The following MCM4 variants were observed in gnomAD, a reference collection of about 807,000 sequenced individuals.
MCM4 encodes DNA replication licensing factor MCM4.
In MCM4, 60 loss-of-function variants were observed where a neutral mutation model predicts 88.7. The ratio of observed to expected loss-of-function variants is 0.68; its 90% CI spans 0.55 to 0.84. MCM4 has a LOEUF of 0.84. Among genes scored for constraint, MCM4 ranks in the 40% least tolerant of loss-of-function variants. MCM4 has a pLI of 0.00. For synonymous variants in MCM4, 465 were observed against 410.5 expected (o/e 1.13, Z -1.61); for missense variants, 1,149 against 1,105.5 (o/e 1.04, Z -0.56).
chr8:47,961,212 C>A lies in MCM4; in HGVS notation c.68C>A (p.Thr23Lys). 6.6e-7 allele frequency: 1 copy of A among 1,513,234 alleles called. No homozygotes were observed. Among genetic ancestry groups the A allele is most frequent in the South Asian group, 1.2e-5 (1 of 82,194 alleles). The allele number at this position is 1,513,234 out of a possible 1,614,324, so 93.7% of individuals were successfully genotyped here. A position where few individuals can be genotyped will look rare whatever the true frequency, so the allele number is the denominator to read the frequency against. Residue 23 changes from threonine to lysine, a missense_variant and splice_region_variant, in exon 2 of 17, where the codon ACG (threonine) becomes AAG (lysine). This residue lies in a region of MCM4 where 906 missense variants were observed against 843.0 expected (regional missense o/e 1.07). Transcript: ENST00000649973. The part of the protein sequence containing the change: ...SRRGRATPAQ[T>K]PRSEDARSSP... ...CGTGGAAGGGCCACCCCCGCCCAGACGCGTGAGTCCCCCGAGCCGGGCCCA... is the reference window on the plus strand; with the variant it reads ...CGTGGAAGGGCCACCCCCGCCCAGAAGCGTGAGTCCCCCGAGCCGGGCCCA...
At chr8:47,968,188 T>C (rs530697778) in intron 10 of MCM4, among the ~76,000 whole-genome samples, 16 of 151,860 alleles carry the variant, frequency 1.1e-4, no homozygotes, top group Admixed American at 3.3e-4. Flanking sequence ...CGGTTCTTCA[T>C]TGATGGGCAA....
At chr8:47,961,471 G>C in intron 2 of MCM4, 45 bp from the exon 3 acceptor site, 1 of 1,612,494 alleles carries the variant, frequency 6.2e-7, no homozygotes, top group Non-Finnish European at 8.5e-7. Context: ...AGGAAGGCCG[G>C]CCCTGAAAGT....
At chr8:47,971,015 G>C in intron 12 of MCM4, 139 bp downstream of exon 12, 1 of 1,077,022 alleles carries the variant, frequency 9.3e-7, no homozygotes, top group African/African-American at 1.6e-5. Context: ...TCATATTTCA[G>C]CTAAATCTCA....
At position 47,977,804 on chromosome 8, in the gene MCM4, A is replaced by AT. The variant is rs1026719855; in HGVS notation, c.*1032dup. On this transcript the variant is annotated 3_prime_UTR_variant, in exon 17 of 17. Transcript: ENST00000649973. ...TTGAGAGGTATGATTCTTTCTAGAGATTTTTTCTCATGGCTACTATTAGAT... is the reference window on the plus strand; with the variant it reads ...TTGAGAGGTATGATTCTTTCTAGAGATTTTTTTCTCATGGCTACTATTAGAT... 6.6e-6 allele frequency: 1 copy of AT among 151,706 alleles called. No individual in the cohort carries two copies. Among genetic ancestry groups the AT allele is most frequent in the Non-Finnish European group, 1.5e-5 (1 of 67,960 alleles). The allele number at this position is 151,706 out of a possible 1,614,324, so 9.4% of individuals were successfully genotyped here.
Position 47,974,540 on chromosome 8 carries a change from T to C in MCM4, c.2137-194T>C. On this transcript the variant is annotated intron_variant, in intron 14 of 16. Transcript: ENST00000649973. ...AATATGTTCACCCACCACTGCACGCTGCACGTTGATGTCTTCACCTGCGAT... is the reference window on the plus strand; with the variant it reads ...AATATGTTCACCCACCACTGCACGCCGCACGTTGATGTCTTCACCTGCGAT... 8.5e-6 allele frequency: 5 copies of C among 587,502 alleles called. No homozygotes were observed. In the South Asian group the frequency reaches 1.0e-4, roughly 12 times the overall value. 36.4% of individuals were successfully genotyped at this position (587,502 alleles called of 1,614,324 possible).
Position 47,974,826 on chromosome 8 carries a change from C to A in MCM4, c.2229C>A (p.Ala743=). The change falls in exon 15 of 17, where the codon GCC becomes GCA. Residue 743 remains alanine, a synonymous_variant. Coordinates refer to ENST00000649973, the MANE Select transcript of MCM4 (RefSeq NM_182746.3). ...QLESLIRLAE[A]HAKVRLSNKV... ...AGTCATTAATCCGCTTAGCAGAAGC[C>A]CATGCTAAAGTAAGATTGTCTAACA... is the stretch of plus-strand genomic sequence containing the variant. 1 of 1,614,108 alleles carries A rather than the reference C, an allele frequency of 6.2e-7. No homozygotes were observed. Among genetic ancestry groups the A allele is most frequent in the South Asian group, 1.1e-5 (1 of 91,086 alleles).
At chr8:47,969,682 GGGCC>G in intron 10 of MCM4, 112 bp from the exon 11 acceptor site, 1 of 1,036,572 alleles carries the variant, frequency 9.6e-7, no homozygotes, top group Non-Finnish European at 1.4e-6. Flanking sequence ...ACCCTTTCCA[GGGCC>G]AGCCCGACGT....
chr8:47,962,675 A>C (rs1255258126), intron 5 of MCM4, 89 bp from the exon 6 acceptor site: 8 of 772,174 alleles, frequency 1.0e-5, no homozygotes, highest in Non-Finnish European at 1.8e-5. Context: ...CTGTCTCCTG[A>C]TAGTGACATA....
intron 10 of MCM4, 60 bp downstream of exon 10, chr8:47,967,545 T>C (rs1041912190): frequency 1.1e-5 from 18 of 1,605,290 alleles, no homozygotes; most frequent in Non-Finnish European, 1.4e-5. Context: ...AATGCTGTGC[T>C]TTAGTGAGTC....
intron 13 of MCM4, 30 bp from the exon 14 acceptor site, chr8:47,972,826 GA>G: frequency 6.3e-7 from 1 of 1,595,864 alleles, no homozygotes; most frequent in East Asian, 2.2e-5. Context: ...CAAGGTGCTG[GA>G]AAAACAGTAT....
At position 47,976,784 on chromosome 8, in the gene MCM4, T is replaced by G. The variant is rs748978319; in HGVS notation, c.*6T>G. ...AGACCGTGCGCTTGCTCTGAAGCCT[T>G]GTGAGCAAGGAAGGCTCCCTGCATG... On this transcript the variant is annotated 3_prime_UTR_variant, in exon 17 of 17. Coordinates refer to ENST00000649973, the MANE Select transcript of MCM4 (RefSeq NM_182746.3). The G allele has an allele frequency of 3.8e-6, 6 of 1,597,102 alleles. No homozygotes were observed. In the Admixed American group the frequency reaches 1.0e-4, roughly 27 times the overall value.
intron 9 of MCM4, among the ~76,000 whole-genome samples, chr8:47,966,693 G>A (rs2090901701): frequency 6.6e-6 from 1 of 152,208 alleles, no homozygotes; most frequent in Non-Finnish European, 1.5e-5. Flanking sequence ...AGAATACTTG[G>A]TTAAATGTCA....
chr8:47,972,645 C>T (rs1360532516), intron 13 of MCM4, among the ~76,000 whole-genome samples: 1 of 152,108 alleles, frequency 6.6e-6, no homozygotes, highest in African/African-American at 2.4e-5. Flanking sequence ...CAACCTTCGC[C>T]TTCCAGGTTC....
In MCM4 at chr8:47,971,421, A is replaced by G; in HGVS notation, c.1881A>G (p.Lys627=). ...ANPIESQWNP[K]KTTIENIQLP... ...CCATTGAGTCTCAGTGGAATCCTAAAAAAACAACCATTGAAAACATCCAGC... is the reference window on the plus strand; with the variant it reads ...CCATTGAGTCTCAGTGGAATCCTAAGAAAACAACCATTGAAAACATCCAGC... Residue 627 remains lysine, a synonymous_variant, in exon 13 of 17, where the codon AAA becomes AAG. Transcript: ENST00000649973. 6.2e-7 allele frequency: 1 copy of G among 1,614,172 alleles called. No individual in the cohort carries two copies. Among genetic ancestry groups the G allele is most frequent in the African/African-American group, 1.3e-5 (1 of 75,044 alleles).
intron 13 of MCM4, among the ~76,000 whole-genome samples, chr8:47,972,539 T>C (rs1471297239): frequency 6.6e-6 from 1 of 152,084 alleles, no homozygotes; most frequent in Non-Finnish European, 1.5e-5. Context: ...AAACAGTTTT[T>C]TTGTTGTTGT....
intron 13 of MCM4, among the ~76,000 whole-genome samples, chr8:47,972,033 G>A (rs899788029): frequency 6.6e-6 from 1 of 151,604 alleles, no homozygotes; most frequent in Non-Finnish European, 1.5e-5. Context: ...GGAGTTTGAG[G>A]CCACCCTGGG....
At position 47,970,878 on chromosome 8, in the gene MCM4, T is replaced by C; in HGVS notation, c.1800+2T>C. The C allele has an allele frequency of 6.3e-7, 1 of 1,580,508 alleles. No homozygotes were observed. On this transcript the variant is annotated splice_donor_variant, in intron 12 of 16. Transcript: ENST00000649973. LOFTEE classifies it high-confidence loss of function. ...CAGCAGACTCTGTCCATTGCAAAGG[T>C]GAGTCGCCTTCTCCACCGTGAACAT...
At chr8:47,976,615 T>C in intron 16 of MCM4, 71 bp from the exon 17 acceptor site, 1 of 1,089,642 alleles carries the variant, frequency 9.2e-7, no homozygotes, top group Non-Finnish European at 1.4e-6. Context: ...AACATTATAA[T>C]TATTGTGTTT....
intron 7 of MCM4, among the ~76,000 whole-genome samples, 167 bp from the exon 8 acceptor site, chr8:47,964,403 AATAG>A (rs1429665791): frequency 2.0e-5 from 3 of 152,220 alleles, no homozygotes; most frequent in African/African-American, 4.8e-5. Context: ...AATATGCAGA[AATAG>A]ATAGTTCAGC....
Sources: gnomAD v4.1 joint callset for allele counts (sites outside exome capture counted in the v4.1 genomes callset) on GRCh38, gnomAD v4.1.1 for gene constraint, gnomAD v4.1.1 regional missense constraint, MANE v1.5 for transcripts, NCBI Gene and HGNC (gene_info 2026-07-23, HGNC 2026-07-21) for gene names.